RGS6: variants seen among roughly 807,000 people sequenced by gnomAD.
The protein encoded by RGS6 is regulator of G protein signaling 6.
RGS6 carries 30 observed loss-of-function variants against 78.5 expected under a neutral mutation model. The ratio of observed to expected loss-of-function variants is 0.38; its 90% CI spans 0.29 to 0.52. The LOEUF is 0.52. RGS6 is among the 20% of genes least tolerant of loss of function. The pLI, the probability that RGS6 is intolerant of heterozygous loss-of-function variation, is 0.85. For synonymous variants in RGS6, 206 were observed against 206.0 expected, an observed-to-expected ratio of 1.00 and a Z score of 0.00; for missense variants, 495 against 609.7, an observed-to-expected ratio of 0.81 and a Z score of 1.98.
intron 2 of RGS6, among the ~76,000 whole-genome samples, chr14:72,311,641 C>G (rs1409636741): frequency 6.6e-6 from 1 of 152,198 alleles, no homozygotes; most frequent in African/African-American, 2.4e-5. Flanking sequence ...TGGTTTGTCT[C>G]TTTCCTCTTC....
At chr14:72,053,069 C>CTTCCCTCCCT (rs1445311694) in intron 2 of RGS6, among the ~76,000 whole-genome samples, 2 of 20,590 alleles carry the variant, frequency 9.7e-5, no homozygotes, top group African/African-American at 6.3e-4. Context: ...CCCTCCCTCC[C>CTTCCCTCCCT]TCCCTCCCTC....
At chr14:71,916,542 G>A in the RGS6 span, among the ~76,000 whole-genome samples, 1 of 152,178 alleles carries the variant, frequency 6.6e-6, no homozygotes, top group Non-Finnish European at 1.5e-5. Context: ...AAGAAAATTA[G>A]CCTGATTTCA....
At chr14:72,189,229 C>G (rs1200053049) in intron 2 of RGS6, among the ~76,000 whole-genome samples, 1 of 152,164 alleles carries the variant, frequency 6.6e-6, no homozygotes, top group Non-Finnish European at 1.5e-5. Flanking sequence ...AGGCACAATT[C>G]CAAACAAAAT....
the RGS6 span, among the ~76,000 whole-genome samples, chr14:71,879,193 T>C: frequency 1.3e-5 from 2 of 152,330 alleles, no homozygotes; most frequent in East Asian, 1.9e-4. Flanking sequence ...AAAATTATTT[T>C]CATTTGCCCT....
intron 3 of RGS6, among the ~76,000 whole-genome samples, chr14:72,439,199 A>C (rs1474761334): frequency 6.6e-6 from 1 of 152,134 alleles, no homozygotes; most frequent in African/African-American, 2.4e-5. Flanking sequence ...TGACTCCTCC[A>C]TTACAGAGTA....
the RGS6 span, among the ~76,000 whole-genome samples, chr14:71,884,155 C>G: frequency 2.3e-3 from 343 of 152,320 alleles, 2 homozygotes; most frequent in African/African-American, 8.0e-3. Context: ...CCTAGGAGTT[C>G]TGCCTTCATC....
In RGS6 at chr14:72,176,332, G is replaced by T. The variant is rs2097104654; in HGVS notation, c.85-175763G>T. ...GGGGCATACTTCCCTATGTGCTTTA[G>T]GGGGTCTCTACAGAAAGGGGGAAAT... On this transcript the variant is annotated intron_variant, in intron 2 of 17. Coordinates refer to ENST00000553525, the MANE Select transcript of RGS6 (RefSeq NM_001204424.2). 3.9e-5 allele frequency among the ~76,000 whole-genome samples: 6 copies of T among 152,324 alleles called. No homozygotes were observed. In the South Asian group the frequency reaches 1.2e-3, roughly 32 times the overall value.
At chr14:72,362,887 C>G (rs2081733288) in intron 3 of RGS6, among the ~76,000 whole-genome samples, 1 of 152,110 alleles carries the variant, frequency 6.6e-6, no homozygotes, top group Non-Finnish European at 1.5e-5. Context: ...TAATTGAGAA[C>G]CGGACCTTAA....
At chr14:71,875,567 C>A in the RGS6 span, among the ~76,000 whole-genome samples, 1 of 152,112 alleles carries the variant, frequency 6.6e-6, no homozygotes, top group Non-Finnish European at 1.5e-5. Flanking sequence ...AGCGGTCTAT[C>A]AATTTTGCTG....
intron 2 of RGS6, among the ~76,000 whole-genome samples, chr14:72,253,037 G>A (rs2056202948): frequency 6.6e-6 from 1 of 152,244 alleles, no homozygotes; most frequent in African/African-American, 2.4e-5. Context: ...GTCAGCATTT[G>A]CACAAAGTCA....
chr14:72,280,874 G>A (rs4353437), intron 2 of RGS6, among the ~76,000 whole-genome samples: 23,675 of 152,018 alleles, frequency 0.16, 1,877 homozygotes, highest in Middle Eastern at 0.21. Flanking sequence ...CAAATGCCTC[G>A]TCCCACAGAA....
At chr14:72,200,966 A>C (rs1202482174) in intron 2 of RGS6, among the ~76,000 whole-genome samples, 1 of 51,760 alleles carries the variant, frequency 1.9e-5, no homozygotes, top group African/African-American at 4.9e-5. Flanking sequence ...CTGCTTAAAA[A>C]AAAAAAAAAA....
At chr14:71,879,577 G>A in the RGS6 span, among the ~76,000 whole-genome samples, 28 of 152,204 alleles carry the variant, frequency 1.8e-4, no homozygotes, top group Admixed American at 4.6e-4. Flanking sequence ...TGCTTTTCTC[G>A]TGGTAGTGAA....
intron 3 of RGS6, among the ~76,000 whole-genome samples, chr14:72,411,822 T>A (rs12587069): frequency 0.47 from 71,727 of 151,802 alleles, 17,587 homozygotes; most frequent in East Asian, 0.62. Flanking sequence ...CTATTGAGAT[T>A]ATCATGCGGT....
the RGS6 span, among the ~76,000 whole-genome samples, chr14:71,918,998 T>A: frequency 6.6e-5 from 10 of 151,792 alleles, no homozygotes; most frequent in Non-Finnish European, 1.3e-4. Context: ...CTTTTTTTTT[T>A]CCCAAGAAAG....
intron 3 of RGS6, among the ~76,000 whole-genome samples, chr14:72,445,145 T>C (rs1490025386): frequency 5.3e-5 from 8 of 152,226 alleles, no homozygotes; most frequent in Non-Finnish European, 7.3e-5. Context: ...AATTGCTACC[T>C]AATATTTGTT....
At chr14:72,303,630 A>G (rs1050912038) in intron 2 of RGS6, among the ~76,000 whole-genome samples, 2 of 152,244 alleles carry the variant, frequency 1.3e-5, no homozygotes, top group Non-Finnish European at 2.9e-5. Flanking sequence ...TCATGGTTAT[A>G]TGTACATGAT....
At chr14:72,568,588 C>T (rs1299059416), downstream of RGS6, among the ~76,000 whole-genome samples, 1 of 152,210 alleles carries the variant, frequency 6.6e-6, no homozygotes, top group Non-Finnish European at 1.5e-5. Context: ...GGGTGGCCTC[C>T]ATCAATAACC....
intron 2 of RGS6, among the ~76,000 whole-genome samples, chr14:72,341,850 G>A (rs1206349675): frequency 6.6e-6 from 1 of 152,184 alleles, no homozygotes; most frequent in Non-Finnish European, 1.5e-5. Context: ...GAACCAGAAA[G>A]GATGAGTGAT....
Sources: allele counts gnomAD v4.1 joint callset (sites outside exome capture counted in the v4.1 genomes callset), GRCh38; gene constraint gnomAD v4.1.1; transcripts MANE v1.5; gene names NCBI Gene and HGNC (gene_info 2026-07-23, HGNC 2026-07-21).